TBC1D23: variants seen among roughly 807,000 people sequenced by gnomAD.
TBC1D23 encodes HCV non-structural protein 4A-transactivated protein 1.
A neutral mutation model predicts 91.4 loss-of-function variants in TBC1D23; 55 were observed. That is an observed-to-expected ratio of 0.60 (90% CI 0.48 to 0.75). The LOEUF (loss-of-function observed/expected upper bound fraction) is 0.75, where lower values mean the gene tolerates loss of function less well. Among genes scored for constraint, TBC1D23 ranks in the 30% least tolerant of loss-of-function variants. TBC1D23 has a pLI of 0.00. For missense variants in TBC1D23, 725 were observed against 836.1 expected, an observed-to-expected ratio of 0.87 and a Z score of 1.64; for synonymous variants, 289 against 281.0, an observed-to-expected ratio of 1.03 and a Z score of -0.28.
intron 5 of TBC1D23, among the ~76,000 whole-genome samples, chr3:100,291,868 C>T (rs1206666091): frequency 3.4e-5 from 5 of 147,162 alleles, no homozygotes; most frequent in East Asian, 2.0e-4. Flanking sequence ...CCAGGTTAAG[C>T]GATTCTTCTG....
intron 11 of TBC1D23, 84 bp from the exon 12 acceptor site, chr3:100,304,762 T>C: frequency 1.4e-6 from 1 of 732,272 alleles, no homozygotes; most frequent in Admixed American, 2.2e-5. Context: ...CACTTGGTAT[T>C]GTATTTATCA....
chr3:100,287,783 A>G (rs1026295271), intron 4 of TBC1D23, among the ~76,000 whole-genome samples: 1 of 152,076 alleles, frequency 6.6e-6, no homozygotes, highest in African/African-American at 2.4e-5. Context: ...ACATTGTAAA[A>G]CATTTTTTTT....
At chr3:100,316,471 A>T (rs559101631) in intron 16 of TBC1D23, among the ~76,000 whole-genome samples, 66 of 152,076 alleles carry the variant, frequency 4.3e-4, no homozygotes, top group African/African-American at 1.5e-3. Flanking sequence ...TAAAATTTTA[A>T]AAAAAAGGAA....
intron 9 of TBC1D23, among the ~76,000 whole-genome samples, chr3:100,298,303 TC>T (rs35250838): frequency 0.68 from 102,806 of 152,018 alleles, 35,791 homozygotes; most frequent in East Asian, 0.96. Flanking sequence ...GTATCTTTTT[TC>T]CATATTTCAG....
At position 100,303,396 on chromosome 3, in the gene TBC1D23, A is replaced by C. The variant is rs547046703; in HGVS notation, c.1263+1159A>C. On this transcript the variant is annotated intron_variant, in intron 11 of 18. Coordinates refer to ENST00000394144, the MANE Select transcript of TBC1D23 (RefSeq NM_001199198.3). ...GTAGGATAATTTTAAATTTTATTAAAGGAAAGAGTTTAGAAGCATACAGAA... is the reference window on the plus strand; with the variant it reads ...GTAGGATAATTTTAAATTTTATTAACGGAAAGAGTTTAGAAGCATACAGAA... 4.6e-5 allele frequency among the ~76,000 whole-genome samples: 7 copies of C among 152,334 alleles called. No homozygotes were observed. The South Asian group carries it at 1.2e-3, about 27-fold the overall frequency.
At chr3:100,264,394 A>G (rs2067541816) in intron 1 of TBC1D23, among the ~76,000 whole-genome samples, 1 of 150,794 alleles carries the variant, frequency 6.6e-6, no homozygotes, top group African/African-American at 2.4e-5. Context: ...AATGTATCAT[A>G]TATCTTACTG....
chr3:100,313,976 A>G (rs1185545278), intron 15 of TBC1D23, among the ~76,000 whole-genome samples: 1 of 151,794 alleles, frequency 6.6e-6, no homozygotes, highest in Non-Finnish European at 1.5e-5. Flanking sequence ...AAGCCTATGT[A>G]TTGATTAACC....
chr3:100,322,136 C>T (rs896737325), intron 18 of TBC1D23, among the ~76,000 whole-genome samples: 9 of 152,054 alleles, frequency 5.9e-5, no homozygotes, highest in African/African-American at 1.9e-4. Context: ...CTCTGTCACT[C>T]AGGCTAGAGT....
At chr3:100,277,491 G>A (rs536307568) in intron 1 of TBC1D23, among the ~76,000 whole-genome samples, 1 of 152,308 alleles carries the variant, frequency 6.6e-6, no homozygotes, top group Admixed American at 6.5e-5. Context: ...TATCAACAGA[G>A]ATGTGTTTGT....
intron 17 of TBC1D23, 133 bp from the exon 18 acceptor site, chr3:100,320,642 CCT>C (rs1244932153): frequency 2.2e-5 from 10 of 462,106 alleles, no homozygotes; most frequent in Non-Finnish European, 3.3e-5. Flanking sequence ...TATAGATTAA[CCT>C]CTGTTTATAT....
In TBC1D23 at chr3:100,283,826, A is replaced by G. The variant is rs187891188; in HGVS notation, c.476+15A>G. The G allele has an allele frequency of 5.8e-6, 9 of 1,550,078 alleles. No individual in the cohort carries two copies. The African/African-American group carries it at 1.1e-4, about 19-fold the overall frequency. Reference sequence around the variant, plus strand: ...TACATTCCCAGGTAAAATATGATTCAGTTATTGTAGTTTTTAAAAGTGAAT... The same window carrying G: ...TACATTCCCAGGTAAAATATGATTCGGTTATTGTAGTTTTTAAAAGTGAAT... On this transcript the variant is annotated intron_variant, in intron 4 of 18. Coordinates refer to ENST00000394144, the MANE Select transcript of TBC1D23 (RefSeq NM_001199198.3).
At chr3:100,323,166 T>G (rs908210107) in intron 18 of TBC1D23, among the ~76,000 whole-genome samples, 1 of 152,208 alleles carries the variant, frequency 6.6e-6, no homozygotes, top group African/African-American at 2.4e-5. Flanking sequence ...TTGCTTAAAG[T>G]CAAACTATTA....
At chr3:100,294,835 T>C (rs1175470121) in intron 5 of TBC1D23, among the ~76,000 whole-genome samples, 5 of 152,192 alleles carry the variant, frequency 3.3e-5, no homozygotes, top group African/African-American at 9.6e-5. Flanking sequence ...ATTATTCCTC[T>C]TTTTTACAGA....
chr3:100,281,606 C>T, intron 2 of TBC1D23, 136 bp from the exon 3 acceptor site: 1 of 517,826 alleles, frequency 1.9e-6, no homozygotes, highest in South Asian at 3.0e-5. Context: ...AAATACTCAA[C>T]ATTTGGTGGA....
chr3:100,309,610 C>CTTTTTTTTTTTT lies in TBC1D23; in HGVS notation c.1414-785_1414-774dup, dbSNP rs71132518. On this transcript the variant is annotated intron_variant, in intron 13 of 18. Coordinates refer to ENST00000394144, the MANE Select transcript of TBC1D23 (RefSeq NM_001199198.3). ...TATCCTAAATTTTTTATTCTACCTT[C>CTTTTTTTTTTTT]TTTTTTTTTTTTTTTTTTTGAGACA... Among the ~76,000 whole-genome samples the CTTTTTTTTTTTT allele has an allele frequency of 1.2e-3, 139 of 116,114 alleles. 2 individuals are homozygous for CTTTTTTTTTTTT. Among genetic ancestry groups the CTTTTTTTTTTTT allele is most frequent in the East Asian group, 1.9e-3 (7 of 3,748 alleles). 76.2% of individuals were successfully genotyped at this position (116,114 alleles called of 152,430 possible). A position where few individuals can be genotyped will look rare whatever the true frequency, so the allele number is the denominator to read the frequency against.
At chr3:100,308,974 A>G (rs1576182010) in intron 13 of TBC1D23, among the ~76,000 whole-genome samples, 1 of 152,232 alleles carries the variant, frequency 6.6e-6, no homozygotes, top group Non-Finnish European at 1.5e-5. Context: ...TAATCCCAGC[A>G]TTATGGGAAT....
At chr3:100,261,505 G>T (rs1486331846) in intron 1 of TBC1D23, 1 of 163,682 alleles carries the variant, frequency 6.1e-6, no homozygotes, top group Non-Finnish European at 1.3e-5. Flanking sequence ...TCGCCTGAGG[G>T]TTCAGAGGTT....
At chr3:100,285,309 G>T (rs1451911660) in intron 4 of TBC1D23, among the ~76,000 whole-genome samples, 1 of 152,152 alleles carries the variant, frequency 6.6e-6, no homozygotes, top group Non-Finnish European at 1.5e-5. Context: ...TGGGGGGAAT[G>T]ATTGGTATGA....
chr3:100,314,797 C>A (rs975724950), intron 15 of TBC1D23, among the ~76,000 whole-genome samples: 4 of 152,162 alleles, frequency 2.6e-5, no homozygotes, highest in East Asian at 1.9e-4. Context: ...ACTACTACTA[C>A]TAATAACTAA....
Sources: allele counts gnomAD v4.1 joint callset (sites outside exome capture counted in the v4.1 genomes callset), GRCh38; gene constraint gnomAD v4.1.1; transcripts MANE v1.5; gene names NCBI Gene and HGNC (gene_info 2026-07-23, HGNC 2026-07-21).